The following ACTL8 variants were observed in gnomAD, a reference collection of about 807,000 sequenced individuals.
ACTL8 encodes the protein actin-like protein 8.
In ACTL8, 3 loss-of-function variants were observed where a neutral mutation model predicts 9.3. The observed-to-expected ratio is 0.32, with a 90% CI of 0.15 to 0.83. ACTL8 has a LOEUF of 0.83. Among genes scored for constraint, ACTL8 ranks in the 40% least tolerant of loss-of-function variants. ACTL8 has a pLI of 0.57. For missense variants in ACTL8, 381 were observed against 492.2 expected (o/e 0.77, Z 2.14); for synonymous variants, 224 against 205.9 (o/e 1.09, Z -0.75).
intron 1 of ACTL8, among the ~76,000 whole-genome samples, chr1:17,756,051 C>T (rs1395544189): frequency 6.6e-6 from 1 of 151,938 alleles, no homozygotes; most frequent in Non-Finnish European, 1.5e-5. Flanking sequence ...CGGGACTCTA[C>T]CGCAGCCCTC....
intron 1 of ACTL8, among the ~76,000 whole-genome samples, chr1:17,794,798 C>G (rs944043237): frequency 5.9e-5 from 9 of 152,198 alleles, no homozygotes; most frequent in East Asian, 5.8e-4. Flanking sequence ...TCTCCCAGAT[C>G]GTGTCCAGTT....
chr1:17,801,267 C>T (rs1462048335), intron 1 of ACTL8, among the ~76,000 whole-genome samples: 2 of 152,204 alleles, frequency 1.3e-5, no homozygotes, highest in Admixed American at 1.3e-4. Context: ...CAAGGTCACA[C>T]AGCTGGTCAG....
intron 1 of ACTL8, among the ~76,000 whole-genome samples, chr1:17,781,845 A>G (rs980970530): frequency 3.3e-5 from 5 of 152,094 alleles, no homozygotes; most frequent in Admixed American, 2.6e-4. Context: ...AGATGCGGGG[A>G]CCCATGCTCC....
chr1:17,767,676 G>A lies in ACTL8; in HGVS notation c.-25+12172G>A, dbSNP rs2066054333. On this transcript the variant is annotated intron_variant, in intron 1 of 2. Transcript: ENST00000375406. The surrounding 1 kb of genome is among the most constrained non-coding windows in gnomAD (Gnocchi z 4.7). ...TGCTCACCATGTTTATCCTCCATAG[G>A]TGCTTTATTATTATTTTTGGCATCT... Among the ~76,000 whole-genome samples, 2 of 152,100 alleles carry A rather than the reference G, an allele frequency of 1.3e-5. No individual in the cohort carries two copies. The highest frequency in any genetic ancestry group is 4.1e-4 in the South Asian group (2 of 4,826).
At chr1:17,769,150 A>G (rs1266049270) in intron 1 of ACTL8, among the ~76,000 whole-genome samples, 2 of 152,130 alleles carry the variant, frequency 1.3e-5, no homozygotes, top group Non-Finnish European at 2.9e-5. Flanking sequence ...TGTGTTGCAG[A>G]ATCGCCAGCT....
chr1:17,800,583 CTTTTTTTTTTTTTTTTTTTTTT>C (rs59143238), intron 1 of ACTL8, among the ~76,000 whole-genome samples: 1 of 69,168 alleles, frequency 1.4e-5, no homozygotes, highest in African/African-American at 6.5e-5. Flanking sequence ...TGGTGTCAAT[CTTTTTTTTTTTTTTTTTTTTTT>C]TTTTTGAGAC....
chr1:17,779,180 C>T (rs1205660109), intron 1 of ACTL8, among the ~76,000 whole-genome samples: 1 of 152,162 alleles, frequency 6.6e-6, no homozygotes, highest in Admixed American at 6.5e-5. Flanking sequence ...GGCATTTGTA[C>T]CCATGGACCC....
intron 1 of ACTL8, among the ~76,000 whole-genome samples, chr1:17,792,683 C>T (rs1018448476): frequency 2.6e-5 from 4 of 152,204 alleles, no homozygotes; most frequent in African/African-American, 9.7e-5. Context: ...TCCTTGTCTC[C>T]TCTTGGAGAT....
intron 1 of ACTL8, among the ~76,000 whole-genome samples, chr1:17,785,122 CAT>C: frequency 6.6e-6 from 1 of 152,314 alleles, no homozygotes; most frequent in Admixed American, 6.5e-5. Flanking sequence ...CCTCCCACAA[CAT>C]GTGGGAATTC....
chr1:17,772,945 C>T (rs2066093960), intron 1 of ACTL8, among the ~76,000 whole-genome samples: 1 of 151,988 alleles, frequency 6.6e-6, no homozygotes, highest in Non-Finnish European at 1.5e-5. Context: ...ATTTATTAGT[C>T]TAATTACATT....
Position 17,826,569 on chromosome 1 carries a change from G to T in ACTL8, c.*50G>T. 6.8e-7 allele frequency: 1 copy of T among 1,466,100 alleles called. No homozygotes were observed. The highest frequency in any genetic ancestry group is 9.1e-7 in the Non-Finnish European group (1 of 1,102,954). 90.8% of individuals were successfully genotyped at this position (1,466,100 alleles called of 1,614,324 possible). A position where few individuals can be genotyped will look rare whatever the true frequency, so the allele number is the denominator to read the frequency against. On this transcript the variant is annotated 3_prime_UTR_variant, in exon 3 of 3. Transcript: ENST00000375406. The surrounding 1 kb of genome is among the most constrained non-coding windows in gnomAD (Gnocchi z 4.5). ...GGGCTCCTGTTAGATGGGCACGGGCGGATTAATTTTAGCAAAATGTTCTGG... is the reference window on the plus strand; with the variant it reads ...GGGCTCCTGTTAGATGGGCACGGGCTGATTAATTTTAGCAAAATGTTCTGG...
intron 1 of ACTL8, among the ~76,000 whole-genome samples, chr1:17,765,772 G>C (rs942146393): frequency 3.9e-5 from 6 of 152,224 alleles, no homozygotes; most frequent in African/African-American, 1.4e-4. Flanking sequence ...TTGCAGGGCA[G>C]AGCTGACTGG....
chr1:17,825,732 G>T, intron 2 of ACTL8, 35 bp from the exon 3 acceptor site: 2 of 1,591,472 alleles, frequency 1.3e-6, no homozygotes, highest in South Asian at 1.1e-5. Context: ...GCAGGCTGGG[G>T]GGAAATGCAC....
intron 1 of ACTL8, among the ~76,000 whole-genome samples, chr1:17,799,188 TCACC>T (rs1027216821): frequency 5.9e-5 from 9 of 152,314 alleles, no homozygotes; most frequent in African/African-American, 1.9e-4. Flanking sequence ...CACATCAAAT[TCACC>T]GTGTTCCCAG....
At chr1:17,809,811 T>G (rs1557444140) in intron 1 of ACTL8, among the ~76,000 whole-genome samples, 1 of 152,076 alleles carries the variant, frequency 6.6e-6, no homozygotes, top group African/African-American at 2.4e-5. Context: ...ATTATTTCAT[T>G]GTATATTGCA....
chr1:17,778,466 A>G (rs1014896477), intron 1 of ACTL8, among the ~76,000 whole-genome samples: 3 of 152,018 alleles, frequency 2.0e-5, no homozygotes, highest in Non-Finnish European at 4.4e-5. Context: ...ACTGATGTCT[A>G]GTTGGCTGAA....
At chr1:17,802,820 T>TA (rs2066331345) in intron 1 of ACTL8, among the ~76,000 whole-genome samples, 1 of 151,896 alleles carries the variant, frequency 6.6e-6, no homozygotes, top group African/African-American at 2.4e-5. Flanking sequence ...CCATCTCTAC[T>TA]AAAAATACAG....
chr1:17,802,424 C>CGTGTGTGTGTGTGTGT (rs72387933), intron 1 of ACTL8, among the ~76,000 whole-genome samples: 149 of 146,692 alleles, frequency 1.0e-3, no homozygotes, highest in African/African-American at 2.8e-3. Flanking sequence ...ACTGTGCGTG[C>CGTGTGTGTGTGTGTGT]GTGTGTGTGT....
chr1:17,802,176 C>T (rs563424368), intron 1 of ACTL8, among the ~76,000 whole-genome samples: 2 of 152,258 alleles, frequency 1.3e-5, no homozygotes, highest in African/African-American at 4.8e-5. Context: ...TTTCTCTTAC[C>T]GAAGTGCTTT....
Sources: allele counts gnomAD v4.1 joint callset (sites outside exome capture counted in the v4.1 genomes callset), GRCh38; gene constraint gnomAD v4.1.1; non-coding constraint Gnocchi (gnomAD v3.1); transcripts MANE v1.5; gene names NCBI Gene and HGNC (gene_info 2026-07-23, HGNC 2026-07-21).